KCTD8: variants seen among roughly 807,000 people sequenced by gnomAD.
The protein encoded by KCTD8 is potassium channel tetramerization domain containing 8, also known as BTB/POZ domain-containing protein KCTD8.
KCTD8 carries 27 observed loss-of-function variants against 31.5 expected under a neutral mutation model. The observed-to-expected ratio is 0.86, with a 90% CI of 0.63 to 1.18. KCTD8 has a LOEUF of 1.18. Among genes scored for constraint, KCTD8 ranks in the 50% most tolerant of loss-of-function variants. The probability of loss-of-function intolerance (pLI) is 0.00; values close to 1 mark genes in which losing one functional copy is unlikely to be tolerated. For synonymous variants in KCTD8, 290 were observed against 280.0 expected (o/e 1.04, Z -0.36); for missense variants, 658 against 647.7 (o/e 1.02, Z -0.17).
intron 1 of KCTD8, among the ~76,000 whole-genome samples, chr4:44,304,519 G>C (rs943452849): frequency 6.6e-6 from 1 of 152,010 alleles, no homozygotes; most frequent in Non-Finnish European, 1.5e-5. Context: ...ATAACATCTA[G>C]TCAACATAAA....
intron 1 of KCTD8, among the ~76,000 whole-genome samples, chr4:44,207,888 C>T (rs1301621481): frequency 6.6e-6 from 1 of 152,130 alleles, no homozygotes; most frequent in Non-Finnish European, 1.5e-5. Context: ...GTGCTACAAG[C>T]ATGGGGAATG....
chr4:44,264,671 T>C (rs1375281606), intron 1 of KCTD8, among the ~76,000 whole-genome samples: 1 of 152,076 alleles, frequency 6.6e-6, no homozygotes, highest in Non-Finnish European at 1.5e-5. Flanking sequence ...GAAAATCGGG[T>C]CACTCCCCCC....
chr4:44,209,208 T>C (rs1013662911), intron 1 of KCTD8, among the ~76,000 whole-genome samples: 1 of 152,122 alleles, frequency 6.6e-6, no homozygotes, highest in Admixed American at 6.6e-5. Context: ...CCCTTTAGAA[T>C]GGCTTCTCTT....
intron 1 of KCTD8, among the ~76,000 whole-genome samples, chr4:44,280,331 C>T (rs143806855): frequency 2.0e-5 from 3 of 152,010 alleles, no homozygotes; most frequent in African/African-American, 7.2e-5. Flanking sequence ...ATACTGCTAC[C>T]CTCTGGGTAT....
intron 1 of KCTD8, among the ~76,000 whole-genome samples, chr4:44,242,556 C>G (rs1560403981): frequency 6.6e-6 from 1 of 151,594 alleles, no homozygotes; most frequent in Non-Finnish European, 1.5e-5. Context: ...CTGGACTGGG[C>G]GAAAGGGCGG....
At chr4:44,394,926 G>C (rs1293346977) in intron 1 of KCTD8, among the ~76,000 whole-genome samples, 1 of 152,136 alleles carries the variant, frequency 6.6e-6, no homozygotes, top group East Asian at 1.9e-4. Context: ...TTAACTCTGT[G>C]ATTATCAAGG....
intron 1 of KCTD8, among the ~76,000 whole-genome samples, chr4:44,210,161 A>G (rs910546666): frequency 4.6e-5 from 7 of 152,298 alleles, no homozygotes; most frequent in East Asian, 3.9e-4. Context: ...CCTTCTCAAC[A>G]TAATTTTTTT....
chr4:44,332,619 CT>C (rs748270374), intron 1 of KCTD8, among the ~76,000 whole-genome samples: 4 of 151,914 alleles, frequency 2.6e-5, no homozygotes, highest in African/African-American at 7.2e-5. Context: ...CATTATCTCA[CT>C]TGTTTTTTAC....
chr4:44,193,667 C>T (rs1263169603), intron 1 of KCTD8, among the ~76,000 whole-genome samples: 1 of 151,578 alleles, frequency 6.6e-6, no homozygotes, highest in Non-Finnish European at 1.5e-5. Flanking sequence ...TTAAAGGCTA[C>T]ACATATGAAA....
chr4:44,408,298 T>A (rs1720853361), intron 1 of KCTD8, among the ~76,000 whole-genome samples: 1 of 152,166 alleles, frequency 6.6e-6, no homozygotes, highest in Non-Finnish European at 1.5e-5. Context: ...CTAAATATAA[T>A]CATGAAATAG....
intron 1 of KCTD8, among the ~76,000 whole-genome samples, chr4:44,436,989 A>G (rs1721664288): frequency 6.6e-6 from 1 of 151,906 alleles, no homozygotes; most frequent in African/African-American, 2.4e-5. Context: ...TAAATATTAC[A>G]TTACTCTAGA....
At chr4:44,313,949 G>C (rs947512325) in intron 1 of KCTD8, among the ~76,000 whole-genome samples, 2 of 152,192 alleles carry the variant, frequency 1.3e-5, no homozygotes, top group African/African-American at 4.8e-5. Flanking sequence ...GCAAAGAACA[G>C]AGTCATGAGA....
intron 1 of KCTD8, among the ~76,000 whole-genome samples, chr4:44,250,707 T>TG (rs1715801421): frequency 6.6e-6 from 1 of 151,830 alleles, no homozygotes; most frequent in South Asian, 2.1e-4. Flanking sequence ...GTGAATTTTC[T>TG]GGATGTACCC....
chr4:44,312,825 C>T (rs775200518), intron 1 of KCTD8, among the ~76,000 whole-genome samples: 11 of 152,074 alleles, frequency 7.2e-5, no homozygotes, highest in Non-Finnish European at 1.6e-4. Context: ...TGAAACAGCC[C>T]GGCAATGAAC....
At chr4:44,220,520 G>T (rs1276644138) in intron 1 of KCTD8, among the ~76,000 whole-genome samples, 1 of 152,148 alleles carries the variant, frequency 6.6e-6, no homozygotes, top group Non-Finnish European at 1.5e-5. Flanking sequence ...TCATCTAAAT[G>T]TATGTATTAC....
intron 1 of KCTD8, among the ~76,000 whole-genome samples, chr4:44,207,697 C>A (rs1471964770): frequency 6.6e-6 from 1 of 152,130 alleles, no homozygotes; most frequent in Non-Finnish European, 1.5e-5. Context: ...CTCCTTAATT[C>A]TGTGGGCAGG....
In KCTD8 at chr4:44,448,226, C is replaced by T. The variant is rs377066294; in HGVS notation, c.298G>A (p.Asp100Asn). 1 of 1,612,032 alleles carries T rather than the reference C, an allele frequency of 6.2e-7. No homozygotes were observed. Among genetic ancestry groups the T allele is most frequent in the Middle Eastern group, 1.7e-4 (1 of 6,054 alleles). ...TACCTGAAAAGGAAGCCGTCCCGGT[C>T]GATGAAGAAGCGCGCCCGGCTGTCC... The part of the protein sequence containing the change: ...PRDSRARFFI[D>N]RDGFLFRYVL... Residue 100 changes from aspartate to asparagine, a missense_variant, in exon 1 of 2, where the codon GAC (aspartate) becomes AAC (asparagine). Asp to Asn is a conservative substitution (Grantham distance 23). Transcript: ENST00000360029. This position sits in a 1 kb window ranked among gnomAD's most constrained non-coding sequence, Gnocchi z 4.1.
At chr4:44,418,009 T>C (rs1038617986) in intron 1 of KCTD8, among the ~76,000 whole-genome samples, 23 of 152,132 alleles carry the variant, frequency 1.5e-4, no homozygotes, top group African/African-American at 5.1e-4. Flanking sequence ...CACTCTTCAG[T>C]AATCTCAATG....
chr4:44,416,514 G>A (rs757157812), intron 1 of KCTD8, among the ~76,000 whole-genome samples: 6 of 152,174 alleles, frequency 3.9e-5, no homozygotes, highest in Non-Finnish European at 7.3e-5. Context: ...GCGGGACCTA[G>A]TGGTAGGTAT....
Sources: gnomAD v4.1 joint callset for allele counts (sites outside exome capture counted in the v4.1 genomes callset) on GRCh38, gnomAD v4.1.1 for gene constraint, Gnocchi (gnomAD v3.1) non-coding constraint, MANE v1.5 for transcripts, NCBI Gene and HGNC (gene_info 2026-07-23, HGNC 2026-07-21) for gene names.